Variants in KLHL23 observed in about 807,000 individuals in gnomAD.
KLHL23 encodes the protein kelch like family member 23.
A neutral mutation model predicts 48.9 loss-of-function variants in KLHL23; 33 were observed. The observed-to-expected ratio is 0.67, with a 90% CI of 0.51 to 0.90. The LOEUF is 0.90. Ranked by LOEUF, KLHL23 falls within the 40% of genes least tolerant of loss-of-function variation. The pLI, the probability that KLHL23 is intolerant of heterozygous loss-of-function variation, is 0.00. For missense variants in KLHL23, 608 were observed against 669.6 expected (o/e 0.91, Z 1.02); for synonymous variants, 234 against 231.6 (o/e 1.01, Z -0.09).
At chr2:169,742,429 A>G (rs2105650918) in intron 3 of KLHL23, among the ~76,000 whole-genome samples, 1 of 152,350 alleles carries the variant, frequency 6.6e-6, no homozygotes, top group East Asian at 1.9e-4. Context: ...ATATTTGGAA[A>G]TGGAGGCTTA....
intron 2 of KLHL23, chr2:169,740,914 T>C (rs1688663889): frequency 6.6e-6 from 1 of 152,386 alleles, no homozygotes; most frequent in Non-Finnish European, 1.5e-5. Flanking sequence ...TCAATATCAC[T>C]GTCTTCCACC....
In KLHL23 at chr2:169,735,608, A is replaced by C. The variant is rs1312525353; in HGVS notation, c.594A>C (p.Glu198Asp). 1 of 1,614,022 alleles carries C rather than the reference A, an allele frequency of 6.2e-7. No individual in the cohort carries two copies. Residue 198 changes from glutamate to aspartate, a missense_variant, in exon 2 of 4, where the codon GAA (glutamate) becomes GAC (aspartate). Physicochemically the swap from Glu to Asp is conservative, Grantham distance 45. Transcript: ENST00000392647. The surrounding 1 kb of genome is among the most constrained non-coding windows in gnomAD (Gnocchi z 4.5). ...SRKNLSVWKE[E>D]AIIEPVIKWT... ...AGAATCTCAGTGTTTGGAAAGAAGA[A>C]GCTATCATAGAGCCAGTTATTAAGT...
intron 3 of KLHL23, among the ~76,000 whole-genome samples, chr2:169,747,407 A>T (rs954012357): frequency 6.6e-6 from 1 of 150,392 alleles, no homozygotes; most frequent in African/African-American, 2.4e-5. Context: ...AAAAAAAAAA[A>T]ACTGAGGGAG....
At chr2:169,746,093 G>A (rs549706347) in intron 3 of KLHL23, among the ~76,000 whole-genome samples, 9 of 152,174 alleles carry the variant, frequency 5.9e-5, no homozygotes, top group Non-Finnish European at 1.3e-4. Flanking sequence ...AGGAACAAGA[G>A]GGTGTGAAGA....
In KLHL23 at chr2:169,751,762, A is replaced by T. The variant is rs1688973535; in HGVS notation, c.*2030A>T. ...CTTTGTAAAATCTTTATGCATGTGGAAGGTAATCTGCAAAACAAATTCATT... is the reference window on the plus strand; with the variant it reads ...CTTTGTAAAATCTTTATGCATGTGGTAGGTAATCTGCAAAACAAATTCATT... On this transcript the variant is annotated 3_prime_UTR_variant, in exon 4 of 4. Coordinates refer to ENST00000392647, the MANE Select transcript of KLHL23 (RefSeq NM_144711.6). 6.6e-6 allele frequency: 1 copy of T among 152,212 alleles called. No homozygotes were observed. The highest frequency in any genetic ancestry group is 1.5e-5 in the Non-Finnish European group (1 of 68,038). The allele number at this position is 152,212 out of a possible 1,614,324, so 9.4% of individuals were successfully genotyped here.
rs1659774151 is a variant in KLHL23, at chr2:169,751,268, A to T, written c.*1536A>T. On this transcript the variant is annotated 3_prime_UTR_variant, in exon 4 of 4. Coordinates refer to ENST00000392647, the MANE Select transcript of KLHL23 (RefSeq NM_144711.6). ...CCATTAGTTATCTGTGAGACCATCT[A>T]TTCCACACTCTTCATTTTTTAAAAA... 1 of 152,220 alleles carries T rather than the reference A, an allele frequency of 6.6e-6. No homozygotes were observed. The highest frequency in any genetic ancestry group is 2.1e-4 in the South Asian group (1 of 4,828). The allele number at this position is 152,220 out of a possible 1,614,324, so 9.4% of individuals were successfully genotyped here.
At position 169,749,480 on chromosome 2, in the gene KLHL23, T is replaced by G; in HGVS notation, c.1425T>G (p.Thr475=). The change falls in exon 4 of 4, where the codon ACT becomes ACG. Residue 475 remains threonine, a synonymous_variant. Coordinates refer to ENST00000392647, the MANE Select transcript of KLHL23 (RefSeq NM_144711.6). The stretch of plus-strand genomic sequence containing the variant: ...AGCTCTATCTAGTCGGCGGACAAAC[T>G]ACAATCACAGAATGCTATGACCCTG... The part of the protein sequence containing the change: ...ENKLYLVGGQ[T]TITECYDPEQ... 1 of 1,614,080 alleles carries G rather than the reference T, an allele frequency of 6.2e-7. No individual in the cohort carries two copies. The highest frequency in any genetic ancestry group is 8.5e-7 in the Non-Finnish European group (1 of 1,179,998).
intron 2 of KLHL23, among the ~76,000 whole-genome samples, chr2:169,736,589 T>C (rs1688523546): frequency 6.6e-6 from 1 of 152,220 alleles, no homozygotes; most frequent in Non-Finnish European, 1.5e-5. Context: ...GTTTGGTCCC[T>C]ACAGGATGTA....
Position 169,749,581 on chromosome 2 carries a change from G to A in KLHL23, c.1526G>A (p.Cys509Tyr). 6.2e-7 allele frequency: 1 copy of A among 1,613,966 alleles called. No homozygotes were observed. Among genetic ancestry groups the A allele is most frequent in the Non-Finnish European group, 8.5e-7 (1 of 1,180,006 alleles). Residue 509 changes from cysteine (C) to tyrosine (Y), a missense_variant, in exon 4 of 4, where the codon TGT becomes TAT. Physicochemically the swap from Cys to Tyr is radical, Grantham distance 194. Coordinates refer to ENST00000392647, the MANE Select transcript of KLHL23 (RefSeq NM_144711.6). ...MECGAVIMNG[C>Y]IYVTGGYSYS... is the part of the protein sequence containing the mutation. The stretch of plus-strand genomic sequence containing the variant: ...TGCGGTGCCGTCATCATGAATGGAT[G>A]TATTTATGTCACTGGAGGATACTCC...
Position 169,751,737 on chromosome 2 carries a change from C to G in KLHL23, c.*2005C>G, listed in dbSNP as rs1688972987. The G allele has an allele frequency of 2.6e-5, 4 of 152,206 alleles. No homozygotes were observed. Among genetic ancestry groups the G allele is most frequent in the Admixed American group, 1.3e-4 (2 of 15,288 alleles). 9.4% of individuals were successfully genotyped at this position (152,206 alleles called of 1,614,324 possible). On this transcript the variant is annotated 3_prime_UTR_variant, in exon 4 of 4. Coordinates refer to ENST00000392647, the MANE Select transcript of KLHL23 (RefSeq NM_144711.6). ...AATAGTATGCATACTATGATTGTGA[C>G]TTTGTAAAATCTTTATGCATGTGGA...
At chr2:169,740,743 C>T (rs936126949) in intron 2 of KLHL23, among the ~76,000 whole-genome samples, 14 of 129,344 alleles carry the variant, frequency 1.1e-4, no homozygotes, top group Admixed American at 2.3e-4. Flanking sequence ...CCACTGCGCC[C>T]GGCCTCTATA....
rs1345797399 is a variant in KLHL23, at chr2:169,749,578, G to A, written c.1523G>A (p.Gly508Glu). The change falls in exon 4 of 4, where the codon GGA becomes GAA. Residue 508 changes from glycine to glutamate, a missense_variant. Around this residue, in one of 3 missense-constraint regions of KLHL23, gnomAD observed 179 missense variants for 169.9 expected, o/e 1.05. Transcript: ENST00000392647. The part of the protein sequence containing the change: ...RMECGAVIMN[G>E]CIYVTGGYSY... Reference sequence around the variant, plus strand: ...GAGTGCGGTGCCGTCATCATGAATGGATGTATTTATGTCACTGGAGGATAC... The same window carrying A: ...GAGTGCGGTGCCGTCATCATGAATGAATGTATTTATGTCACTGGAGGATAC... 1 of 1,614,018 alleles carries A rather than the reference G, an allele frequency of 6.2e-7. No homozygotes were observed.
At chr2:169,741,223 A>G (rs1044289914) in intron 2 of KLHL23, 162 bp from the exon 3 acceptor site, 6 of 887,474 alleles carry the variant, frequency 6.8e-6, no homozygotes, top group African/African-American at 5.0e-5. Flanking sequence ...TTAAGAGCAC[A>G]AAGAGCCTTC....
chr2:169,737,402 T>C (rs148841617), intron 2 of KLHL23, among the ~76,000 whole-genome samples: 2,129 of 152,312 alleles, frequency 0.014, 13 homozygotes, highest in Middle Eastern at 0.044. Flanking sequence ...CCGGTGCTGT[T>C]GCTCCCCTGG....
At chr2:169,739,756 T>C (rs1688629636) in intron 2 of KLHL23, among the ~76,000 whole-genome samples, 1 of 152,186 alleles carries the variant, frequency 6.6e-6, no homozygotes, top group Admixed American at 6.5e-5. Flanking sequence ...CTGAGAAATG[T>C]GTGATTAGGC....
rs1468208065 is a variant in KLHL23, at chr2:169,735,318, A to C, written c.304A>C (p.Ile102Leu). The change falls in exon 2 of 4, where the codon ATA (isoleucine) becomes CTA (leucine). Residue 102 changes from isoleucine to leucine, a missense_variant. By Grantham distance (5) the Ile-to-Leu change is conservative. This residue lies in a region of KLHL23 where 419 missense variants were observed against 473.1 expected (regional missense o/e 0.89). Coordinates refer to ENST00000392647, the MANE Select transcript of KLHL23 (RefSeq NM_144711.6). The surrounding 1 kb of genome is among the most constrained non-coding windows in gnomAD (Gnocchi z 4.5). ...TTATGCATACACTTCCCAAATTGAA[A>C]TAACTAAAAGAAATGTTCAAAGCCT... ...VNYAYTSQIE[I>L]TKRNVQSLLE... 18 of 1,613,538 alleles carry C rather than the reference A, an allele frequency of 1.1e-5. No homozygotes were observed. The highest frequency in any genetic ancestry group is 1.4e-5 in the Non-Finnish European group (17 of 1,179,952).
Position 169,739,956 on chromosome 2 carries a change from C to A in KLHL23, c.1214-1429C>A, listed in dbSNP as rs1320455157. Among the ~76,000 whole-genome samples the A allele has an allele frequency of 2.0e-5, 3 of 152,020 alleles. No individual in the cohort carries two copies. The East Asian group carries it at 5.8e-4, about 29-fold the overall frequency. On this transcript the variant is annotated intron_variant, in intron 2 of 3. Transcript: ENST00000392647. Reference sequence around the variant, plus strand: ...GTCTTTGTGTATCTAAACATAGAAACAGTACAGTAAAAATACAGCATAAAA... The same window carrying A: ...GTCTTTGTGTATCTAAACATAGAAAAAGTACAGTAAAAATACAGCATAAAA...
rs1688899700 is a variant in KLHL23 at position 169,749,868 on chromosome 2, C to A, written c.*136C>A. On this transcript the variant is annotated 3_prime_UTR_variant, in exon 4 of 4. Coordinates refer to ENST00000392647, the MANE Select transcript of KLHL23 (RefSeq NM_144711.6). ...GGGATCAGTAAATTGTAATTCCTAA[C>A]CCTACTGTACTCCCAAACATGGTGA... is the stretch of plus-strand genomic sequence containing the variant. The A allele has an allele frequency of 3.1e-6, 3 of 956,914 alleles. No individual in the cohort carries two copies. Among genetic ancestry groups the A allele is most frequent in the East Asian group, 2.8e-5 (1 of 36,302 alleles). 59.3% of individuals were successfully genotyped at this position (956,914 alleles called of 1,614,324 possible). A position where few individuals can be genotyped will look rare whatever the true frequency, so the allele number is the denominator to read the frequency against.
Position 169,749,755 on chromosome 2 carries a change from GCAAT to G in KLHL23, c.*26_*29del. ...TAATTGAATCTGCAGAAATGACCAA[GCAAT>G]CACTTTTTTGGAGTATAGTTTTATA... On this transcript the variant is annotated 3_prime_UTR_variant, in exon 4 of 4. Transcript: ENST00000392647. 1 of 1,564,720 alleles carries G rather than the reference GCAAT, an allele frequency of 6.4e-7. No homozygotes were observed. Among genetic ancestry groups the G allele is most frequent in the Non-Finnish European group, 8.7e-7 (1 of 1,150,746 alleles).
Sources: allele counts gnomAD v4.1 joint callset (sites outside exome capture counted in the v4.1 genomes callset), GRCh38; gene constraint gnomAD v4.1.1; regional missense constraint gnomAD v4.1.1; non-coding constraint Gnocchi (gnomAD v3.1); transcripts MANE v1.5; gene names NCBI Gene and HGNC (gene_info 2026-07-23, HGNC 2026-07-21).